Variants in ASTN2 observed in about 807,000 individuals in gnomAD.
ASTN2 encodes the protein astrotactin-2.
Under a neutral mutation model 139.8 loss-of-function variants are expected in ASTN2, and 54 were observed. The ratio of observed to expected loss-of-function variants is 0.39; its 90% CI spans 0.31 to 0.48. ASTN2 has a LOEUF of 0.48. Ranked by LOEUF, ASTN2 falls within the 20% of genes least tolerant of loss-of-function variation. The pLI, the probability that ASTN2 is intolerant of heterozygous loss-of-function variation, is 0.95. For missense variants in ASTN2, 1,565 were observed against 1,725.1 expected, an observed-to-expected ratio of 0.91 and a Z score of 1.64; for synonymous variants, 756 against 719.5, an observed-to-expected ratio of 1.05 and a Z score of -0.81.
intron 20 of ASTN2, among the ~76,000 whole-genome samples, chr9:116,463,352 C>T (rs1013557015): frequency 6.6e-6 from 1 of 152,190 alleles, no homozygotes; most frequent in Non-Finnish European, 1.5e-5. Flanking sequence ...CCATCCATAA[C>T]ATAAAAACTA....
intron 10 of ASTN2, among the ~76,000 whole-genome samples, chr9:116,923,641 T>C (rs10513280): frequency 0.058 from 8,765 of 152,264 alleles, 389 homozygotes; most frequent in African/African-American, 0.12. Context: ...GAGATTTCTT[T>C]AGGGACTCAG....
At chr9:117,123,627 G>C (rs1272470928) in intron 4 of ASTN2, among the ~76,000 whole-genome samples, 1 of 152,100 alleles carries the variant, frequency 6.6e-6, no homozygotes, top group Non-Finnish European at 1.5e-5. Flanking sequence ...AATGTAAGAG[G>C]CTGTATTTCT....
At chr9:116,482,048 C>T (rs557752859) in intron 20 of ASTN2, among the ~76,000 whole-genome samples, 2 of 152,290 alleles carry the variant, frequency 1.3e-5, no homozygotes, top group South Asian at 4.2e-4. Flanking sequence ...ACTACCCGGC[C>T]GGGCACAGTG....
chr9:117,128,873 G>A (rs887097431), intron 4 of ASTN2, among the ~76,000 whole-genome samples: 1 of 152,328 alleles, frequency 6.6e-6, no homozygotes, highest in Admixed American at 6.5e-5. Flanking sequence ...AAGAGAGAAT[G>A]AGGAAGATGC....
chr9:116,513,579 T>A (rs553071718), intron 19 of ASTN2, among the ~76,000 whole-genome samples: 6 of 152,314 alleles, frequency 3.9e-5, no homozygotes, highest in Admixed American at 2.0e-4. Flanking sequence ...CTTCTGGATA[T>A]TATCCTGCAG....
intron 1 of ASTN2, among the ~76,000 whole-genome samples, chr9:117,354,498 T>G (rs1829481275): frequency 6.6e-6 from 1 of 152,212 alleles, no homozygotes; most frequent in South Asian, 2.1e-4. Context: ...AATACTTTCT[T>G]GAGCCATGAA....
chr9:116,944,611 G>C (rs1482673682), intron 10 of ASTN2, among the ~76,000 whole-genome samples: 1 of 146,904 alleles, frequency 6.8e-6, no homozygotes, highest in Non-Finnish European at 1.5e-5. Context: ...GAACCCAGGG[G>C]ACGGATGCTG....
At chr9:116,988,965 T>G (rs528036801) in intron 7 of ASTN2, among the ~76,000 whole-genome samples, 4 of 152,264 alleles carry the variant, frequency 2.6e-5, no homozygotes, top group Non-Finnish European at 5.9e-5. Context: ...GAGAATGCCA[T>G]GAGGATAAAA....
intron 15 of ASTN2, 123 bp from the exon 16 acceptor site, chr9:116,726,073 C>T: frequency 1.2e-6 from 1 of 848,792 alleles, no homozygotes; most frequent in East Asian, 2.6e-5. Flanking sequence ...ACAGTGGCAG[C>T]TTGGTGGCTG....
chr9:117,372,527 C>T (rs1163628224), intron 1 of ASTN2, among the ~76,000 whole-genome samples: 6 of 152,158 alleles, frequency 3.9e-5, no homozygotes, highest in Non-Finnish European at 7.3e-5. Flanking sequence ...AGGTAACTCA[C>T]TTCATCTCAC....
intron 1 of ASTN2, among the ~76,000 whole-genome samples, chr9:117,338,040 G>A (rs954816477): frequency 3.3e-5 from 5 of 152,080 alleles, no homozygotes; most frequent in Admixed American, 1.3e-4. Context: ...ATAAGGAATC[G>A]ATGATTATCT....
intron 20 of ASTN2, among the ~76,000 whole-genome samples, chr9:116,460,944 G>A (rs899284436): frequency 6.6e-6 from 1 of 152,092 alleles, no homozygotes; most frequent in Non-Finnish European, 1.5e-5. Flanking sequence ...CATTCTTAAT[G>A]ATCCTCATCA....
intron 10 of ASTN2, among the ~76,000 whole-genome samples, chr9:116,956,418 G>A (rs1386116974): frequency 6.8e-6 from 1 of 147,436 alleles, no homozygotes; most frequent in East Asian, 2.0e-4. Context: ...GAACTCTTGG[G>A]GCAGGCCTTT....
rs576710793 is a variant in ASTN2 at position 116,794,259 on chromosome 9, C to T, written c.2396+11373G>A. On this transcript the variant is annotated intron_variant, in intron 13 of 22. Coordinates refer to ENST00000313400, the MANE Select transcript of ASTN2 (RefSeq NM_001365068.1). ...GATTACAGGCAGGCGCCACCAAGCC[C>T]GGCTAATTTTGTATTTTTAGTAGAG... Among the ~76,000 whole-genome samples, 8 of 151,900 alleles carry T rather than the reference C, an allele frequency of 5.3e-5. No individual in the cohort carries two copies. In the South Asian group the frequency reaches 8.3e-4, roughly 16 times the overall value.
chr9:117,118,829 T>C (rs868103866), intron 4 of ASTN2, among the ~76,000 whole-genome samples: 1 of 152,176 alleles, frequency 6.6e-6, no homozygotes, highest in African/African-American at 2.4e-5. Flanking sequence ...CAATGTTGTT[T>C]CTCCACAGGT....
intron 6 of ASTN2, among the ~76,000 whole-genome samples, chr9:117,025,814 C>G (rs1381710064): frequency 8.4e-5 from 12 of 143,250 alleles, no homozygotes; most frequent in Non-Finnish European, 1.5e-5. Context: ...TTTTTTTTGA[C>G]AGAGTCTCGC....
intron 4 of ASTN2, among the ~76,000 whole-genome samples, chr9:117,121,168 C>T (rs1336970232): frequency 3.3e-5 from 5 of 152,182 alleles, no homozygotes; most frequent in Admixed American, 2.0e-4. Context: ...TACCCTCTGT[C>T]GTTACATAAT....
intron 5 of ASTN2, among the ~76,000 whole-genome samples, chr9:117,092,902 A>C (rs1288790253): frequency 6.6e-6 from 1 of 152,084 alleles, no homozygotes; most frequent in Non-Finnish European, 1.5e-5. Context: ...GAAAGAACCC[A>C]TCAGCCCAGC....
At chr9:117,098,542 A>AG (rs1828893528) in intron 4 of ASTN2, among the ~76,000 whole-genome samples, 1 of 152,172 alleles carries the variant, frequency 6.6e-6, no homozygotes, top group Non-Finnish European at 1.5e-5. Context: ...TCATCAGGCA[A>AG]GGTCTGTCCC....
Sources: allele counts gnomAD v4.1 joint callset (sites outside exome capture counted in the v4.1 genomes callset), GRCh38; gene constraint gnomAD v4.1.1; transcripts MANE v1.5; gene names NCBI Gene and HGNC (gene_info 2026-07-23, HGNC 2026-07-21).